KLHL33: variants seen among roughly 807,000 people sequenced by gnomAD.
KLHL33 encodes the protein kelch-like protein 33.
KLHL33 carries 46 observed loss-of-function variants against 60.8 expected under a neutral mutation model. The ratio of observed to expected loss-of-function variants is 0.76; its 90% CI spans 0.60 to 0.97. The LOEUF (loss-of-function observed/expected upper bound fraction) is 0.97. Among genes scored for constraint, KLHL33 ranks in the 50% least tolerant of loss-of-function variants. The probability of loss-of-function intolerance (pLI) is 0.00; values close to 1 mark genes in which losing one functional copy is unlikely to be tolerated. For synonymous variants in KLHL33, 434 were observed against 432.2 expected (o/e 1.00, Z -0.05); for missense variants, 1,055 against 1,000.0 (o/e 1.05, Z -0.74).
intron 2 of KLHL33, among the ~76,000 whole-genome samples, chr14:20,432,434 T>G (rs369976770): frequency 2.8e-4 from 43 of 151,740 alleles, no homozygotes; most frequent in African/African-American, 6.8e-4. Context: ...ATCTTACATG[T>G]TATTGTCTTT....
intron 1 of KLHL33, 41 bp downstream of exon 1, chr14:20,436,058 G>T: frequency 2.9e-6 from 1 of 349,152 alleles, no homozygotes. Context: ...CCGGTAACCG[G>T]GACCACACCC....
Position 20,429,969 on chromosome 14 carries a change from C to G in KLHL33, c.1499G>C (p.Arg500Pro). ...RQPSRAVWWA[R>P]AFRCGVGLVR... ...CAGTCCCACGCCACAGCGGAAGGCC[C>G]GGGCCCACCACACTGCTCGGGATGG... The change falls in exon 3 of 5, where the codon CGG (arginine) becomes CCG (proline). Residue 500 changes from arginine to proline, a missense_variant. Physicochemically the swap from Arg to Pro is moderately radical, Grantham distance 103. Transcript: ENST00000636854. 1.3e-6 allele frequency: 2 copies of G among 1,551,710 alleles called. No individual in the cohort carries two copies. Among genetic ancestry groups the G allele is most frequent in the South Asian group, 1.2e-5 (1 of 84,064 alleles).
Position 20,429,590 on chromosome 14 carries a change from C to G in KLHL33, c.1753G>C (p.Asp585His). 2 of 1,552,114 alleles carry G rather than the reference C, an allele frequency of 1.3e-6. No homozygotes were observed. The highest frequency in any genetic ancestry group is 2.4e-5 in the South Asian group (2 of 84,040). Residue 585 changes from aspartate to histidine, a missense_variant, in exon 4 of 5, where the codon GAT (aspartate) becomes CAT (histidine). Physicochemically the swap from Asp to His is moderately conservative, Grantham distance 81. Coordinates refer to ENST00000636854, the MANE Select transcript of KLHL33 (RefSeq NM_001365790.2). ...ARSLFSLVAL[D>H]GKLYALGGRH... ...CCACCCAGGGCATAAAGTTTTCCATCCAGTGCCACCAAGGAGAAAAGGCTT... is the reference window on the plus strand; with the variant it reads ...CCACCCAGGGCATAAAGTTTTCCATGCAGTGCCACCAAGGAGAAAAGGCTT...
Position 20,435,488 on chromosome 14 carries a change from C to T in KLHL33, c.324G>A (p.Glu108=). 8.1e-7 allele frequency: 1 copy of T among 1,234,608 alleles called. No homozygotes were observed. The highest frequency in any genetic ancestry group is 1.0e-6 in the Non-Finnish European group (1 of 988,316). The allele number at this position is 1,234,608 out of a possible 1,614,324, so 76.5% of individuals were successfully genotyped here. Residue 108 remains glutamate, a synonymous_variant, in exon 2 of 5, where the codon GAG becomes GAA. Coordinates refer to ENST00000636854, the MANE Select transcript of KLHL33 (RefSeq NM_001365790.2). ...CCTCTTCGTCCAGCAACAGTCTCTG[C>T]TCCCGCAGCCGCTGGGCCTCGGCGA... ...QFFAEAQRLR[E]QRLLLDEEVS... is the part of the protein sequence containing the mutation.
rs2076975233 is a variant in KLHL33 at position 20,435,779 on chromosome 14, A to C, written c.33T>G (p.Pro11=). 2 of 1,234,426 alleles carry C rather than the reference A, an allele frequency of 1.6e-6. No homozygotes were observed. Among genetic ancestry groups the C allele is most frequent in the African/African-American group, 3.1e-5 (2 of 64,480 alleles). The allele number at this position is 1,234,426 out of a possible 1,614,324, so 76.5% of individuals were successfully genotyped here. ...CGGGATGAGAGACACTCTCCAGCTC[A>C]GGGGGATAATGTGGGGTGTCCGAGA... MSVSDTPHYP[P]ELESVSHPVQ... is the part of the protein sequence containing the mutation. The change falls in exon 2 of 5, where the codon CCT becomes CCG. Residue 11 remains proline, a synonymous_variant. Transcript: ENST00000636854.
intron 1 of KLHL33, 58 bp downstream of exon 1, chr14:20,436,041 T>G (rs1880685363): frequency 2.7e-6 from 1 of 373,268 alleles, no homozygotes; most frequent in Non-Finnish European, 4.7e-6. Context: ...AGAAGCCCTG[T>G]AAAGATCCGG....
Position 20,429,513 on chromosome 14 carries a change from G to A in KLHL33, c.1830C>T (p.Leu610=), listed in dbSNP as rs1284951396. The change falls in exon 4 of 5, where the codon CTC becomes CTT. Residue 610 remains leucine (L), a synonymous_variant. Transcript: ENST00000636854. ...CCTTGCCTGCTTACCTCCAGACATT[G>A]AGCTCAGGGTTGTAGGTCTCCACAG... ...LDSVETYNPE[L]NVWRPAPALP... is the part of the protein sequence containing the mutation. The A allele has an allele frequency of 1.3e-6, 2 of 1,552,204 alleles. No homozygotes were observed. The highest frequency in any genetic ancestry group is 2.4e-5 in the East Asian group (1 of 40,902).
Position 20,430,702 on chromosome 14 carries a change from C to A in KLHL33, c.766G>T (p.Ala256Ser), listed in dbSNP as rs375234837. 5.2e-6 allele frequency: 8 copies of A among 1,524,662 alleles called. No homozygotes were observed. The East Asian group carries it at 2.0e-4, about 37-fold the overall frequency. The allele number at this position is 1,524,662 out of a possible 1,614,324, so 94.4% of individuals were successfully genotyped here. The part of the protein sequence containing the change: ...CQLSVHRAAL[A>S]CGSEFFGAML... ...GCCCCAAAGAACTCACTGCCACAGG[C>A]CAGGGCGGCTCGGTGCACTGCAGGA... The change falls in exon 3 of 5, where the codon GCC becomes TCC. Residue 256 changes from alanine to serine, a missense_variant. By Grantham distance (99) the Ala-to-Ser change is moderately conservative (BLOSUM62 1). Coordinates refer to ENST00000636854, the MANE Select transcript of KLHL33 (RefSeq NM_001365790.2).
At chr14:20,430,827 C>T (rs1880491327) in intron 2 of KLHL33, 108 bp from the exon 3 acceptor site, 24 of 735,170 alleles carry the variant, frequency 3.3e-5, no homozygotes, top group Non-Finnish European at 4.8e-5. Flanking sequence ...TTTGGCCCTC[C>T]AAGCCACCCA....
In KLHL33 at chr14:20,427,208, A is replaced by C. The variant is rs1381736398; in HGVS notation, c.*1641T>G. On this transcript the variant is annotated 3_prime_UTR_variant, in exon 5 of 5. Coordinates refer to ENST00000636854, the MANE Select transcript of KLHL33 (RefSeq NM_001365790.2). ...TAATAATAAAATAAAATAAATTAAA[A>C]AAAAAAAAAGAAAAAGAAAATTGAC... 1 of 151,350 alleles carries C rather than the reference A, an allele frequency of 6.6e-6. No individual in the cohort carries two copies. The highest frequency in any genetic ancestry group is 1.5e-5 in the Non-Finnish European group (1 of 67,836). 9.4% of individuals were successfully genotyped at this position (151,350 alleles called of 1,614,324 possible).
chr14:20,431,603 C>T (rs951010551), intron 2 of KLHL33, among the ~76,000 whole-genome samples: 5 of 152,318 alleles, frequency 3.3e-5, no homozygotes, highest in Non-Finnish European at 2.9e-5. Flanking sequence ...TGGCAGGCGC[C>T]TGTAATCCCA....
At position 20,426,494 on chromosome 14, in the gene KLHL33, C is replaced by CAAAAAAAAAAAA. The variant is rs780443645; in HGVS notation, c.*2343_*2354dup. On this transcript the variant is annotated 3_prime_UTR_variant, in exon 5 of 5. Transcript: ENST00000636854. ...TGGGCAACAGAGTAAAACTCTGTCTCAAAAAAAAAAAAAAAAAAAAGAAAA... is the reference window on the plus strand; with the variant it reads ...TGGGCAACAGAGTAAAACTCTGTCTCAAAAAAAAAAAAAAAAAAAAAAAAAAAAAAAAGAAAA... The CAAAAAAAAAAAA allele has an allele frequency of 2.5e-5, 1 of 39,292 alleles. No homozygotes were observed. The highest frequency in any genetic ancestry group is 2.3e-4 in the Admixed American group (1 of 4,406). The allele number at this position is 39,292 out of a possible 1,614,324, so 2.4% of individuals were successfully genotyped here. A position where few individuals can be genotyped will look rare whatever the true frequency, so the allele number is the denominator to read the frequency against.
At chr14:20,431,343 A>G (rs754298656) in intron 2 of KLHL33, among the ~76,000 whole-genome samples, 3 of 152,228 alleles carry the variant, frequency 2.0e-5, no homozygotes, top group Non-Finnish European at 4.4e-5. Flanking sequence ...TTCTCTGCAT[A>G]ACCCTCTCCT....
chr14:20,431,605 G>A (rs1401784441), intron 2 of KLHL33, among the ~76,000 whole-genome samples: 6 of 152,206 alleles, frequency 3.9e-5, no homozygotes, highest in Non-Finnish European at 8.8e-5. Flanking sequence ...GCAGGCGCCT[G>A]TAATCCCAGC....
At position 20,428,794 on chromosome 14, in the gene KLHL33, C is replaced by T; in HGVS notation, c.*55G>A. The T allele has an allele frequency of 7.1e-7, 1 of 1,414,078 alleles. No homozygotes were observed. Among genetic ancestry groups the T allele is most frequent in the Non-Finnish European group, 9.6e-7 (1 of 1,039,824 alleles). The allele number at this position is 1,414,078 out of a possible 1,614,324, so 87.6% of individuals were successfully genotyped here. A position where few individuals can be genotyped will look rare whatever the true frequency, so the allele number is the denominator to read the frequency against. Reference sequence around the variant, plus strand: ...CTTTTCACTCCCCACAATCTCTGTCCTTCTCTCAGGCTATTTCTTATGCCC... The same window carrying T: ...CTTTTCACTCCCCACAATCTCTGTCTTTCTCTCAGGCTATTTCTTATGCCC... On this transcript the variant is annotated 3_prime_UTR_variant, in exon 5 of 5. Coordinates refer to ENST00000636854, the MANE Select transcript of KLHL33 (RefSeq NM_001365790.2).
intron 2 of KLHL33, among the ~76,000 whole-genome samples, chr14:20,432,977 A>AGAAAGAAAGAAAGAAAGAAT (rs1880567906): frequency 6.6e-6 from 1 of 151,890 alleles, no homozygotes; most frequent in Non-Finnish European, 1.5e-5. Context: ...AAAGAAAGAA[A>AGAAAGAAAGAAAGAAAGAAT]GAAAGAAAGA....
chr14:20,430,992 T>C (rs967418223), intron 2 of KLHL33, among the ~76,000 whole-genome samples: 1 of 152,230 alleles, frequency 6.6e-6, no homozygotes, highest in African/African-American at 2.4e-5. Flanking sequence ...CCCTATGTGA[T>C]TCTCATGTTA....
intron 2 of KLHL33, 43 bp downstream of exon 2, chr14:20,435,021 A>C: frequency 1.6e-6 from 2 of 1,223,232 alleles, no homozygotes; most frequent in Non-Finnish European, 2.0e-6. Flanking sequence ...CCATTCCGTT[A>C]GCATATGCAC....
chr14:20,433,247 T>C (rs1880579402), intron 2 of KLHL33, among the ~76,000 whole-genome samples: 1 of 152,244 alleles, frequency 6.6e-6, no homozygotes, highest in Non-Finnish European at 1.5e-5. Context: ...AATGTTCATC[T>C]TAATATTCTT....
Sources: allele counts gnomAD v4.1 joint callset (sites outside exome capture counted in the v4.1 genomes callset), GRCh38; gene constraint gnomAD v4.1.1; transcripts MANE v1.5; gene names NCBI Gene and HGNC (gene_info 2026-07-23, HGNC 2026-07-21).